Variants in AFTPH observed in about 807,000 individuals in gnomAD.
The protein encoded by AFTPH is aftiphilin protein.
In AFTPH, 7 loss-of-function variants were observed where a neutral mutation model predicts 72.5. The ratio of observed to expected loss-of-function variants is 0.10; its 90% CI spans 0.05 to 0.18. The LOEUF is 0.18. AFTPH is among the 10% of genes least tolerant of loss of function. The pLI is 1.00. For synonymous variants in AFTPH, 337 were observed against 370.1 expected (o/e 0.91, Z 1.03); for missense variants, 979 against 1,060.5 (o/e 0.92, Z 1.07).
intron 1 of AFTPH, 91 bp from the exon 2 acceptor site, chr2:64,551,352 G>A: frequency 1.0e-6 from 1 of 972,564 alleles, no homozygotes; most frequent in Non-Finnish European, 1.5e-6. Context: ...TTGTAAATTT[G>A]CATTGTTTTA....
At chr2:64,540,237 C>T (rs747613755) in intron 1 of AFTPH, among the ~76,000 whole-genome samples, 8 of 152,054 alleles carry the variant, frequency 5.3e-5, no homozygotes, top group African/African-American at 1.7e-4. Flanking sequence ...GCTGAGAGTT[C>T]TAGGGCAAAA....
At chr2:64,563,354 C>T (rs534185588) in intron 2 of AFTPH, among the ~76,000 whole-genome samples, 11 of 152,196 alleles carry the variant, frequency 7.2e-5, no homozygotes, top group Non-Finnish European at 1.5e-4. Flanking sequence ...AAATTTGAAA[C>T]CTTTGCCACT....
intron 7 of AFTPH, chr2:64,580,883 T>A (rs1320649365): frequency 5.5e-6 from 1 of 183,426 alleles, no homozygotes; most frequent in Non-Finnish European, 1.1e-5. Context: ...TTCCTTTCGG[T>A]CTTTCTGGTA....
chr2:64,542,624 C>G (rs184589872), intron 1 of AFTPH, among the ~76,000 whole-genome samples: 1 of 151,910 alleles, frequency 6.6e-6, no homozygotes, highest in South Asian at 2.1e-4. Flanking sequence ...AGCATCCCCC[C>G]GCCCCCATGC....
chr2:64,573,075 ATATC>A lies in AFTPH; in HGVS notation c.2394+11_2394+14del, dbSNP rs1410171839. The stretch of plus-strand genomic sequence containing the variant: ...TACATCTGATCAGTTCCAGGTAAAA[ATATC>A]TATATGTGTATAAATATGTTTATGC... On this transcript the variant is annotated splice_region_variant and intron_variant, in intron 6 of 8. Transcript: ENST00000238856. 2 of 1,611,252 alleles carry A rather than the reference ATATC, an allele frequency of 1.2e-6. No homozygotes were observed. Among genetic ancestry groups the A allele is most frequent in the Non-Finnish European group, 1.7e-6 (2 of 1,177,436 alleles).
chr2:64,571,580 T>A (rs918055241), intron 5 of AFTPH, among the ~76,000 whole-genome samples: 1 of 152,230 alleles, frequency 6.6e-6, no homozygotes, highest in African/African-American at 2.4e-5. Flanking sequence ...TTCTGCAAAC[T>A]GTTTTAGTTA....
At chr2:64,587,520 ATAAAG>A (rs1673586257) in intron 8 of AFTPH, among the ~76,000 whole-genome samples, 1 of 152,254 alleles carries the variant, frequency 6.6e-6, no homozygotes, top group African/African-American at 2.4e-5. Flanking sequence ...TTTCTCTTGA[ATAAAG>A]TAAACTGCAA....
At chr2:64,573,059 T>A in exon 6 of AFTPH, 2 of 1,613,868 alleles carry the variant, frequency 1.2e-6, no homozygotes, top group Non-Finnish European at 1.7e-6. Context: ...GTACATCTGA[T>A]CAGTTCCAGG....
Position 64,541,843 on chromosome 2 carries a change from A to G in AFTPH, c.-32-9600A>G, listed in dbSNP as rs532158170. Among the ~76,000 whole-genome samples, 218 of 152,304 alleles carry G rather than the reference A, an allele frequency of 1.4e-3. No individual in the cohort carries two copies. The South Asian group carries it at 0.015, about 10-fold the overall frequency. ...CCAAGTGACTAATTATAAACCTCAG[A>G]CATATTGTGGTAAAAAGATGGTGAT... On this transcript the variant is annotated intron_variant, in intron 1 of 8. Transcript: ENST00000238856.
intron 1 of AFTPH, among the ~76,000 whole-genome samples, chr2:64,536,885 A>T (rs537464183): frequency 6.8e-6 from 1 of 147,808 alleles, no homozygotes; most frequent in African/African-American, 2.5e-5. Context: ...CCCAGGAGGC[A>T]GAGGCAGCAG....
exon 9 of AFTPH, chr2:64,592,245 C>A: frequency 2.4e-6 from 1 of 413,368 alleles, no homozygotes; most frequent in Non-Finnish European, 4.2e-6. Flanking sequence ...TGTAAATAAT[C>A]GGGGGTAAAC....
At chr2:64,585,582 T>C in intron 8 of AFTPH, 37 bp downstream of exon 9, 1 of 1,567,526 alleles carries the variant, frequency 6.4e-7, no homozygotes. Context: ...ACATTTTGAA[T>C]TCTGAGATAA....
At chr2:64,545,851 A>ACC (rs1670577608) in intron 1 of AFTPH, among the ~76,000 whole-genome samples, 1 of 151,858 alleles carries the variant, frequency 6.6e-6, no homozygotes, top group Admixed American at 6.6e-5. Context: ...AATTGAGCAG[A>ACC]ACTATACACA....
At chr2:64,547,470 T>G (rs554333229) in intron 1 of AFTPH, among the ~76,000 whole-genome samples, 99 of 152,342 alleles carry the variant, frequency 6.5e-4, no homozygotes, top group African/African-American at 2.1e-3. Context: ...ATGTTCATGT[T>G]GATCACCTGA....
intron 1 of AFTPH, among the ~76,000 whole-genome samples, chr2:64,546,475 A>G (rs1396649815): frequency 6.6e-6 from 1 of 152,178 alleles, no homozygotes; most frequent in Non-Finnish European, 1.5e-5. Flanking sequence ...CCAATATCAG[A>G]TTTTAACAGT....
chr2:64,529,125 C>G (rs1446963808), intron 1 of AFTPH, among the ~76,000 whole-genome samples: 1 of 152,160 alleles, frequency 6.6e-6, no homozygotes, highest in Non-Finnish European at 1.5e-5. Context: ...GCACTCCCTT[C>G]TGAAAATTCA....
At chr2:64,569,769 TAA>T in intron 5 of AFTPH, 90 bp downstream of exon 5, 1 of 1,204,856 alleles carries the variant, frequency 8.3e-7, no homozygotes, top group Non-Finnish European at 1.2e-6. Context: ...TCATGCTATA[TAA>T]GAGACATTTA....
chr2:64,555,555 T>TCTCACA (rs1188984989), intron 2 of AFTPH, among the ~76,000 whole-genome samples: 64 of 140,868 alleles, frequency 4.5e-4, no homozygotes, highest in African/African-American at 1.6e-3. Context: ...AGAGAGACTG[T>TCTCACA]CACACACACA....
At chr2:64,527,303 G>A (rs780466673) in intron 1 of AFTPH, among the ~76,000 whole-genome samples, 6 of 152,050 alleles carry the variant, frequency 3.9e-5, no homozygotes, top group Non-Finnish European at 8.8e-5. Context: ...TTTAAAGGCC[G>A]GGCATGGTGG....
Sources: gnomAD v4.1 joint callset for allele counts (sites outside exome capture counted in the v4.1 genomes callset) on GRCh38, gnomAD v4.1.1 for gene constraint, MANE v1.5 for transcripts, NCBI Gene and HGNC (gene_info 2026-07-23, HGNC 2026-07-21) for gene names.